Variants in RESF1 observed in about 807,000 individuals in gnomAD.
RESF1 encodes the protein gonad expressed transcript.
In RESF1, 65 loss-of-function variants were observed where a neutral mutation model predicts 134.7. That is an observed-to-expected ratio of 0.48 (90% confidence interval 0.40 to 0.59). The LOEUF is 0.59. RESF1 is among the 20% of genes least tolerant of loss of function. The pLI is 0.00. For synonymous variants in RESF1, 762 were observed against 702.2 expected, an observed-to-expected ratio of 1.09 and a Z score of -1.35; for missense variants, 2,274 against 2,002.7, an observed-to-expected ratio of 1.14 and a Z score of -2.59.
At chr12:31,992,057 G>A (rs1940103514) in intron 5 of RESF1, among the ~76,000 whole-genome samples, 1 of 152,152 alleles carries the variant, frequency 6.6e-6, no homozygotes, top group African/African-American at 2.4e-5. Context: ...TTACATAGCT[G>A]TTTAAAAGAT....
chr12:31,982,402 T>C lies in RESF1; in HGVS notation c.1447T>C (p.Cys483Arg), dbSNP rs775457705. The C allele has an allele frequency of 8.7e-6, 14 of 1,614,066 alleles. No individual in the cohort carries two copies. The highest frequency in any genetic ancestry group is 1.1e-5 in the Non-Finnish European group (13 of 1,180,012). ...VESAETNKTQ[C>R]MLNSDIQEVN... ...ATCTGCAGAAACAAATAAGACTCAA[T>C]GTATGTTGAATTCTGACATTCAGGA... The change falls in exon 4 of 6, where the codon TGT becomes CGT. Residue 483 changes from cysteine to arginine, a missense_variant. By Grantham distance (180) the Cys-to-Arg change is radical (BLOSUM62 -3). Coordinates refer to ENST00000312561, the MANE Select transcript of RESF1 (RefSeq NM_018169.4).
Position 31,982,065 on chromosome 12 carries a change from G to T in RESF1, c.1110G>T (p.Glu370Asp), listed in dbSNP as rs1202410980. ...GVQTLAQTNE[E>D]KIMDSCNPTS... is the part of the protein sequence containing the mutation. ...AGACTCTTGCTCAAACTAATGAAGA[G>T]AAAATAATGGATTCTTGCAATCCAA... Residue 370 changes from glutamate to aspartate, a missense_variant, in exon 4 of 6, where the codon GAG (glutamate) becomes GAT (aspartate). Physicochemically the swap from Glu to Asp is conservative, Grantham distance 45. Transcript: ENST00000312561. 1 of 1,614,080 alleles carries T rather than the reference G, an allele frequency of 6.2e-7. No homozygotes were observed. Among genetic ancestry groups the T allele is most frequent in the South Asian group, 1.1e-5 (1 of 91,050 alleles).
rs1450335793 is a variant in RESF1 at position 31,985,470 on chromosome 12, T to C, written c.4515T>C (p.Ser1505=). The C allele has an allele frequency of 3.1e-6, 5 of 1,607,774 alleles. No individual in the cohort carries two copies. The Admixed American group carries it at 5.2e-5, about 17-fold the overall frequency. Residue 1505 remains serine (S), a synonymous_variant, in exon 4 of 6, where the codon TCT becomes TCC. Transcript: ENST00000312561. ...NEKHSSGVQT[S]KESLNGLTSH... is the part of the protein sequence containing the mutation. ...AACACAGCAGCGGCGTGCAGACCTC[T>C]AAAGAATCATTAAATGGCTTGACAA...
In RESF1 at chr12:31,983,109, A is replaced by G. The variant is rs1391331491; in HGVS notation, c.2154A>G (p.Ser718=). Residue 718 remains serine (S), a synonymous_variant, in exon 4 of 6, where the codon TCA becomes TCG. Coordinates refer to ENST00000312561, the MANE Select transcript of RESF1 (RefSeq NM_018169.4). ...PANIHVKSPC[S]VVGNSNSQNK... The stretch of plus-strand genomic sequence containing the variant: ...ACATCCACGTTAAGAGTCCTTGTTC[A>G]GTTGTGGGAAATTCAAATTCTCAGA... The G allele has an allele frequency of 2.4e-5, 38 of 1,611,004 alleles. No individual in the cohort carries two copies. Among genetic ancestry groups the G allele is most frequent in the Non-Finnish European group, 3.1e-5 (37 of 1,179,072 alleles).
intron 2 of RESF1, among the ~76,000 whole-genome samples, chr12:31,961,839 G>A (rs1193278404): frequency 6.6e-6 from 1 of 152,200 alleles, no homozygotes; most frequent in Admixed American, 6.5e-5. Flanking sequence ...CTCTGTGATT[G>A]TACAGGAATC....
intron 2 of RESF1, among the ~76,000 whole-genome samples, chr12:31,968,472 G>A (rs1349087297): frequency 4.1e-5 from 6 of 145,042 alleles, no homozygotes; most frequent in South Asian, 2.2e-4. Flanking sequence ...TTTTTGAGAC[G>A]GAGTCTCACT....
Position 31,993,032 on chromosome 12 carries a change from CTG to C in RESF1, c.*498_*499del, listed in dbSNP as rs1420738503. 1.3e-5 allele frequency: 2 copies of C among 153,414 alleles called. No homozygotes were observed. The highest frequency in any genetic ancestry group is 6.5e-5 in the Admixed American group (1 of 15,286). 9.5% of individuals were successfully genotyped at this position (153,414 alleles called of 1,614,324 possible). A position where few individuals can be genotyped will look rare whatever the true frequency, so the allele number is the denominator to read the frequency against. On this transcript the variant is annotated 3_prime_UTR_variant, in exon 6 of 6. Transcript: ENST00000312561. Reference sequence around the variant, plus strand: ...GAAGTCTTATTTTATACTTGTGAAACTGAACACAATTTTGGGACAACGTTTAA... The same window carrying C: ...GAAGTCTTATTTTATACTTGTGAAACAACACAATTTTGGGACAACGTTTAA...
At chr12:31,971,022 A>G (rs1312131916) in intron 3 of RESF1, among the ~76,000 whole-genome samples, 1 of 152,222 alleles carries the variant, frequency 6.6e-6, no homozygotes, top group Non-Finnish European at 1.5e-5. Context: ...CGTTTTAGAC[A>G]ACAGTGCATA....
At chr12:31,969,971 T>A (rs746893670) in intron 2 of RESF1, among the ~76,000 whole-genome samples, 4 of 152,218 alleles carry the variant, frequency 2.6e-5, no homozygotes, top group African/African-American at 7.2e-5. Flanking sequence ...AGTAATATGG[T>A]TATTTCCTAT....
chr12:31,978,489 AAAG>A (rs1939688079), intron 3 of RESF1, among the ~76,000 whole-genome samples: 1 of 152,266 alleles, frequency 6.6e-6, no homozygotes, highest in Non-Finnish European at 1.5e-5. Context: ...CCATTTATCA[AAAG>A]AAGTTTCCAT....
chr12:31,992,656 T>C lies in RESF1; in HGVS notation c.*121T>C, dbSNP rs562183763. ...ATTTCTCAGAGTTTGGTTCCCACTT[T>C]CATTGTATTTCATTGAAAGTGCTTA... On this transcript the variant is annotated 3_prime_UTR_variant, in exon 6 of 6. Coordinates refer to ENST00000312561, the MANE Select transcript of RESF1 (RefSeq NM_018169.4). 88 of 997,682 alleles carry C rather than the reference T, an allele frequency of 8.8e-5. No individual in the cohort carries two copies. The highest frequency in any genetic ancestry group is 3.3e-4 in the Admixed American group (14 of 42,120). 61.8% of individuals were successfully genotyped at this position (997,682 alleles called of 1,614,324 possible).
chr12:31,962,717 A>T (rs1181936974), intron 2 of RESF1, among the ~76,000 whole-genome samples: 1 of 152,254 alleles, frequency 6.6e-6, no homozygotes, highest in African/African-American at 2.4e-5. Context: ...TGTATTGTCC[A>T]GTGAAGTTTT....
chr12:31,965,139 T>C, intron 2 of RESF1, among the ~76,000 whole-genome samples: 1 of 152,086 alleles, frequency 6.6e-6, no homozygotes, highest in East Asian at 1.9e-4. Flanking sequence ...GTATTTTTGG[T>C]AGAGGCGAGG....
chr12:31,988,332 T>C (rs1213332073), intron 5 of RESF1, among the ~76,000 whole-genome samples: 1 of 152,110 alleles, frequency 6.6e-6, no homozygotes, highest in Non-Finnish European at 1.5e-5. Context: ...ATCCAAAATA[T>C]TTGGGAAAAA....
chr12:31,964,530 C>T (rs537496326), intron 2 of RESF1, among the ~76,000 whole-genome samples: 30 of 152,162 alleles, frequency 2.0e-4, no homozygotes, highest in East Asian at 1.9e-4. Context: ...TGCGGTTTAC[C>T]GTTGATGGGC....
In RESF1 at chr12:31,981,806, G is replaced by A. The variant is rs1391889704; in HGVS notation, c.851G>A (p.Cys284Tyr). 5 of 1,613,980 alleles carry A rather than the reference G, an allele frequency of 3.1e-6. No homozygotes were observed. Among genetic ancestry groups the A allele is most frequent in the Admixed American group, 1.7e-5 (1 of 60,018 alleles). ...AGACCTCCTCCTCCTCCTTACAACT[G>A]TAGATATGGAAGCCAGCCTTTGCAA... The part of the protein sequence containing the change: ...DKRPPPPPYN[C>Y]RYGSQPLQST... Residue 284 changes from cysteine (C) to tyrosine (Y), a missense_variant, in exon 4 of 6, where the codon TGT becomes TAT. Coordinates refer to ENST00000312561, the MANE Select transcript of RESF1 (RefSeq NM_018169.4).
chr12:31,985,859 T>A lies in RESF1; in HGVS notation c.4904T>A (p.Phe1635Tyr). Reference protein sequence around the residue: ...GNTEKSNMLEFKLCPDILLKN... With the variant: ...GNTEKSNMLEYKLCPDILLKN... The stretch of plus-strand genomic sequence containing the variant: ...ACAGAAAAATCAAACATGCTGGAGT[T>A]TAAATTATGTCCAGATATCTTACTA... The change falls in exon 4 of 6, where the codon TTT becomes TAT. Residue 1635 changes from phenylalanine (F) to tyrosine (Y), a missense_variant. Coordinates refer to ENST00000312561, the MANE Select transcript of RESF1 (RefSeq NM_018169.4). 1 of 1,558,670 alleles carries A rather than the reference T, an allele frequency of 6.4e-7. No homozygotes were observed. The highest frequency in any genetic ancestry group is 8.6e-7 in the Non-Finnish European group (1 of 1,161,264).
Position 31,987,250 on chromosome 12 carries a change from A to T in RESF1, c.5014A>T (p.Lys1672Ter). 1 of 1,565,038 alleles carries T rather than the reference A, an allele frequency of 6.4e-7. No individual in the cohort carries two copies. Among genetic ancestry groups the T allele is most frequent in the Non-Finnish European group, 8.8e-7 (1 of 1,137,458 alleles). The change falls in exon 5 of 6, where the codon AAA becomes TAA. Residue 1672 changes from lysine to a stop codon, truncating the protein, a stop_gained. Transcript: ENST00000312561. LOFTEE classifies it high-confidence loss of function. ...EQAPLQVSGI[K>*]STKEDWLKFV... is the part of the protein sequence containing the mutation. ...GAATATTTAAATAGTTTCAGGAATA[A>T]AAAGTACAAAAGAAGACTGGTTAAA...
At position 31,984,090 on chromosome 12, in the gene RESF1, G is replaced by T; in HGVS notation, c.3135G>T (p.Lys1045Asn). 6.2e-7 allele frequency: 1 copy of T among 1,614,034 alleles called. No individual in the cohort carries two copies. The highest frequency in any genetic ancestry group is 8.5e-7 in the Non-Finnish European group (1 of 1,179,996). ...CAAGAAATGAAATCCACAGTGATAAGGCACCTGTCTTATACCTACATGACC... is the reference window on the plus strand; with the variant it reads ...CAAGAAATGAAATCCACAGTGATAATGCACCTGTCTTATACCTACATGACC... ...DPARNEIHSD[K>N]APVLYLHDQL... The change falls in exon 4 of 6, where the codon AAG becomes AAT. Residue 1045 changes from lysine (K) to asparagine (N), a missense_variant. Physicochemically the swap from Lys to Asn is moderately conservative, Grantham distance 94. Coordinates refer to ENST00000312561, the MANE Select transcript of RESF1 (RefSeq NM_018169.4).
Sources: gnomAD v4.1 joint callset for allele counts (sites outside exome capture counted in the v4.1 genomes callset) on GRCh38, gnomAD v4.1.1 for gene constraint, MANE v1.5 for transcripts, NCBI Gene and HGNC (gene_info 2026-07-23, HGNC 2026-07-21) for gene names.